Variants in CERT1 observed in about 807,000 individuals in gnomAD.
CERT1 encodes ceramide transfer protein.
A neutral mutation model predicts 87.9 loss-of-function variants in CERT1; 31 were observed. The ratio of observed to expected loss-of-function variants is 0.35; its 90% CI spans 0.27 to 0.48. The LOEUF is 0.48. CERT1 is among the 20% of genes least tolerant of loss of function. CERT1 has a pLI of 0.99. For missense variants in CERT1, 487 were observed against 758.0 expected, an observed-to-expected ratio of 0.64 and a Z score of 4.20; for synonymous variants, 289 against 250.9, an observed-to-expected ratio of 1.15 and a Z score of -1.44.
At chr5:75,398,867 A>G (rs1580715803) in intron 11 of CERT1, among the ~76,000 whole-genome samples, 2 of 152,254 alleles carry the variant, frequency 1.3e-5, no homozygotes, top group East Asian at 3.8e-4. Flanking sequence ...AATGGAAATG[A>G]AACATATTAT....
chr5:75,510,552 C>G (rs139420966), intron 1 of CERT1, among the ~76,000 whole-genome samples: 32 of 152,256 alleles, frequency 2.1e-4, no homozygotes, highest in African/African-American at 7.5e-4. Context: ...GATTCAATAT[C>G]TCTATTCTGA....
intron 3 of CERT1, among the ~76,000 whole-genome samples, chr5:75,445,893 T>C: frequency 6.6e-6 from 1 of 152,348 alleles, no homozygotes; most frequent in East Asian, 1.9e-4. Flanking sequence ...ACAAGAAATC[T>C]GTTAATTATA....
intron 2 of CERT1, among the ~76,000 whole-genome samples, chr5:75,477,508 CCT>C (rs1390752540): frequency 6.6e-6 from 1 of 151,840 alleles, no homozygotes; most frequent in Non-Finnish European, 1.5e-5. Context: ...GTCTTTAAAA[CCT>C]CTTAGTGTGA....
At position 75,379,455 on chromosome 5, in the gene CERT1, G is replaced by C. The variant is rs1488359270; in HGVS notation, c.1766C>G (p.Ala589Gly). ...YVANVNPGGW[A>G]PASVLRAVAK... Reference sequence around the variant, plus strand: ...CACTGCCCTTAACACTGAGGCTGGTGCCCATCCTCCAGGGTTCACTGCAAG... The same window carrying C: ...CACTGCCCTTAACACTGAGGCTGGTCCCCATCCTCCAGGGTTCACTGCAAG... Residue 589 changes from alanine to glycine, a missense_variant, in exon 17 of 17, where the codon GCA (alanine) becomes GGA (glycine). Transcript: ENST00000643780. 2 of 1,613,394 alleles carry C rather than the reference G, an allele frequency of 1.2e-6. No individual in the cohort carries two copies. Among genetic ancestry groups the C allele is most frequent in the East Asian group, 4.5e-5 (2 of 44,860 alleles).
At chr5:75,503,380 G>GA (rs1156536640) in intron 2 of CERT1, among the ~76,000 whole-genome samples, 1 of 150,914 alleles carries the variant, frequency 6.6e-6, no homozygotes, top group African/African-American at 2.4e-5. Context: ...CATATTTAAG[G>GA]AAAAAAAATA....
chr5:75,479,817 T>C (rs1289571911), intron 2 of CERT1, among the ~76,000 whole-genome samples: 1 of 152,202 alleles, frequency 6.6e-6, no homozygotes, highest in Non-Finnish European at 1.5e-5. Context: ...AGTAATGGAA[T>C]TGCTGGGTTG....
At chr5:75,402,279 C>T (rs952178184) in intron 9 of CERT1, 1 of 152,074 alleles carries the variant, frequency 6.6e-6, no homozygotes, top group African/African-American at 2.4e-5. Flanking sequence ...GGTCATCTTC[C>T]TTTTCATATC....
chr5:75,467,138 C>A (rs1355991232), intron 2 of CERT1, among the ~76,000 whole-genome samples: 1 of 152,088 alleles, frequency 6.6e-6, no homozygotes, highest in Non-Finnish European at 1.5e-5. Context: ...TAAAAAGGAA[C>A]CAATTATTGA....
upstream of CERT1, chr5:75,511,722 C>A (rs1233907549): frequency 6.5e-7 from 1 of 1,547,412 alleles, no homozygotes; most frequent in Middle Eastern, 1.8e-4. Flanking sequence ...TCTGACGCGA[C>A]ACGCCGAGCC....
intron 14 of CERT1, among the ~76,000 whole-genome samples, chr5:75,382,743 G>A (rs571041503): frequency 4.0e-5 from 6 of 151,544 alleles, no homozygotes; most frequent in East Asian, 1.9e-4. Context: ...GTTATGCAGC[G>A]TCATTCCTGA....
At chr5:75,465,264 A>G (rs1339666633) in intron 2 of CERT1, among the ~76,000 whole-genome samples, 1 of 152,230 alleles carries the variant, frequency 6.6e-6, no homozygotes, top group Non-Finnish European at 1.5e-5. Flanking sequence ...ACAGACACTT[A>G]GCACCACCAT....
At chr5:75,386,113 A>G (rs1424041236) in intron 12 of CERT1, 79 bp from the exon 13 acceptor site, 6 of 1,106,026 alleles carry the variant, frequency 5.4e-6, no homozygotes, top group East Asian at 2.9e-5. Context: ...CTTTTAATAC[A>G]GCTGCTCTTT....
At chr5:75,417,244 T>C (rs1184105582) in intron 6 of CERT1, among the ~76,000 whole-genome samples, 1 of 152,202 alleles carries the variant, frequency 6.6e-6, no homozygotes, top group Non-Finnish European at 1.5e-5. Flanking sequence ...GTCCTTTTTT[T>C]CTAGATTCTG....
chr5:75,511,731 C>A (rs897130986), upstream of CERT1: 2 of 1,548,606 alleles, frequency 1.3e-6, no homozygotes, highest in Admixed American at 2.0e-5. Context: ...ACACGCCGAG[C>A]CTTCGGGATC....
chr5:75,429,175 GAATAAT>G (rs35760935), intron 3 of CERT1, among the ~76,000 whole-genome samples: 10 of 143,844 alleles, frequency 7.0e-5, no homozygotes, highest in East Asian at 2.0e-4. Context: ...AATAGAAACT[GAATAAT>G]AATAATAATA....
chr5:75,381,017 G>A, intron 16 of CERT1, 55 bp downstream of exon 16: 1 of 1,591,668 alleles, frequency 6.3e-7, no homozygotes. Context: ...TTGTCATATA[G>A]GTCATGATCA....
At chr5:75,402,066 A>G (rs539216686) in intron 9 of CERT1, 4 of 152,352 alleles carry the variant, frequency 2.6e-5, no homozygotes, top group African/African-American at 9.6e-5. Context: ...AAAGTATCAA[A>G]TTAATCTTGA....
chr5:75,397,938 GAA>G (rs1236050292), intron 11 of CERT1, among the ~76,000 whole-genome samples: 1 of 152,154 alleles, frequency 6.6e-6, no homozygotes, highest in East Asian at 1.9e-4. Flanking sequence ...AGAATTGCTT[GAA>G]CCTGGGAGAT....
intron 2 of CERT1, among the ~76,000 whole-genome samples, chr5:75,462,254 C>G (rs779846415): frequency 6.6e-6 from 1 of 152,190 alleles, no homozygotes; most frequent in Admixed American, 6.5e-5. Context: ...CAGCAGTCCA[C>G]AAACTTTTTG....
Sources: gnomAD v4.1 joint callset for allele counts (sites outside exome capture counted in the v4.1 genomes callset) on GRCh38, gnomAD v4.1.1 for gene constraint, MANE v1.5 for transcripts, NCBI Gene and HGNC (gene_info 2026-07-23, HGNC 2026-07-21) for gene names.